TMEM39B: variants seen among roughly 807,000 people sequenced by gnomAD.
The protein encoded by TMEM39B is transmembrane protein 39B.
Under a neutral mutation model 52.2 loss-of-function variants are expected in TMEM39B, and 23 were observed. The ratio of observed to expected loss-of-function variants is 0.44; its 90% confidence interval spans 0.32 to 0.62. The LOEUF is 0.62. Ranked by LOEUF, TMEM39B falls within the 20% of genes least tolerant of loss-of-function variation. The probability of loss-of-function intolerance (pLI) is 0.06; values close to 1 mark genes in which losing one functional copy is unlikely to be tolerated. For synonymous variants in TMEM39B, 285 were observed against 264.0 expected (o/e 1.08, Z -0.77); for missense variants, 547 against 642.0 (o/e 0.85, Z 1.60).
chr1:32,084,601 G>A (rs775013857), intron 5 of TMEM39B, among the ~76,000 whole-genome samples: 6 of 151,744 alleles, frequency 4.0e-5, no homozygotes, highest in Non-Finnish European at 7.4e-5. Flanking sequence ...ACAGAGTCTC[G>A]CTCTGTCGCC....
At position 32,080,972 on chromosome 1, in the gene TMEM39B, G is replaced by A. The variant is rs949738498; in HGVS notation, c.590+3654G>A. On this transcript the variant is annotated intron_variant, in intron 5 of 8. Transcript: ENST00000336294. ...TTTAGCTGGTGGATTTGAGGCCGAA[G>A]TGAGCCATGATCACACCAGTGCACT... Among the ~76,000 whole-genome samples the A allele has an allele frequency of 2.6e-5, 4 of 151,970 alleles. No homozygotes were observed. In the East Asian group the frequency reaches 5.8e-4, roughly 22 times the overall value.
intron 5 of TMEM39B, among the ~76,000 whole-genome samples, chr1:32,085,291 ATC>A (rs138050718): frequency 1.9e-4 from 29 of 149,708 alleles, no homozygotes; most frequent in Non-Finnish European, 2.2e-4. Context: ...CTAATATTTA[ATC>A]TCTCTCTCTC....
At chr1:32,085,499 T>C (rs1203210513) in intron 5 of TMEM39B, among the ~76,000 whole-genome samples, 1 of 152,188 alleles carries the variant, frequency 6.6e-6, no homozygotes, top group Non-Finnish European at 1.5e-5. Flanking sequence ...ACGCCAGTAA[T>C]CCCTGCACTT....
chr1:32,092,257 A>T (rs796527119), intron 6 of TMEM39B, among the ~76,000 whole-genome samples: 1 of 152,090 alleles, frequency 6.6e-6, no homozygotes, highest in East Asian at 1.9e-4. Flanking sequence ...CCTGGTCTCA[A>T]GTGATCCTCC....
intron 5 of TMEM39B, among the ~76,000 whole-genome samples, 200 bp from the exon 6 acceptor site, chr1:32,091,475 G>C (rs1346814305): frequency 1.8e-4 from 27 of 152,198 alleles, no homozygotes; most frequent in Admixed American, 1.8e-3. Flanking sequence ...CTAGTGCTTG[G>C]CACGTACCGA....
chr1:32,084,710 C>T (rs1016720974), intron 5 of TMEM39B, among the ~76,000 whole-genome samples: 4 of 152,104 alleles, frequency 2.6e-5, no homozygotes, highest in Admixed American at 6.5e-5. Context: ...GCTGGGATTA[C>T]AGGCACGCCA....
chr1:32,078,891 T>C (rs1269031381), intron 5 of TMEM39B, among the ~76,000 whole-genome samples: 1 of 151,892 alleles, frequency 6.6e-6, no homozygotes, highest in Non-Finnish European at 1.5e-5. Context: ...TCTGCCCACC[T>C]TGTCCTCCCA....
At chr1:32,093,911 C>T (rs564694492) in intron 6 of TMEM39B, among the ~76,000 whole-genome samples, 14 of 151,616 alleles carry the variant, frequency 9.2e-5, no homozygotes, top group East Asian at 1.9e-4. Flanking sequence ...CTCCGCCTCC[C>T]GGGTTCACGC....
At position 32,081,620 on chromosome 1, in the gene TMEM39B, C is replaced by T. The variant is rs537934938; in HGVS notation, c.590+4302C>T. 2.7e-3 allele frequency among the ~76,000 whole-genome samples: 404 copies of T among 151,694 alleles called. 6 individuals carry two copies. Among genetic ancestry groups the T allele is most frequent in the Non-Finnish European group, 3.7e-3 (253 of 67,910 alleles). ...AAAATTAGCCAGGTGTGGTGGTGCA[C>T]GCCTGTAGTCCCAGCTACTTGGGAG... On this transcript the variant is annotated intron_variant, in intron 5 of 8. Transcript: ENST00000336294.
At position 32,082,806 on chromosome 1, in the gene TMEM39B, G is replaced by T. The variant is rs186336164; in HGVS notation, c.590+5488G>T. ...TTGTTTTTTTTTGAGACGGAGTCTC[G>T]CTCTGTCGCCCAGGCTGTAGTGCAG... On this transcript the variant is annotated intron_variant, in intron 5 of 8. Coordinates refer to ENST00000336294, the MANE Select transcript of TMEM39B (RefSeq NM_018056.4). 3.2e-3 allele frequency among the ~76,000 whole-genome samples: 458 copies of T among 145,338 alleles called. 3 individuals are homozygous for T. Among genetic ancestry groups the T allele is most frequent in the African/African-American group, 0.011 (434 of 39,198 alleles).
intron 1 of TMEM39B, 86 bp downstream of exon 1, chr1:32,073,137 A>C: frequency 1.5e-6 from 2 of 1,354,526 alleles, no homozygotes; most frequent in Non-Finnish European, 1.9e-6. Flanking sequence ...CTCCACGCGG[A>C]CAGGAGCCCG....
chr1:32,096,026 G>C (rs1258796802), intron 7 of TMEM39B, among the ~76,000 whole-genome samples: 1 of 152,180 alleles, frequency 6.6e-6, no homozygotes. Context: ...CTTCCCAGAT[G>C]ATGAGCTGGG....
chr1:32,073,440 G>A, intron 1 of TMEM39B: 1 of 665,350 alleles, frequency 1.5e-6, no homozygotes, highest in Non-Finnish European at 2.0e-6. Context: ...CGGTGGAGCG[G>A]GGAGACTTCC....
At chr1:32,094,182 A>G (rs955859475) in intron 6 of TMEM39B, among the ~76,000 whole-genome samples, 2 of 114,478 alleles carry the variant, frequency 1.7e-5, no homozygotes, top group African/African-American at 6.8e-5. Context: ...GCTGGAGTGC[A>G]GTGTTGTGAT....
Position 32,074,893 on chromosome 1 carries a change from T to A in TMEM39B, c.5-58T>A, listed in dbSNP as rs1639786297. On this transcript the variant is annotated intron_variant, in intron 1 of 8. Transcript: ENST00000336294. ...GGTGACTGGCAGCTGGTATCATTGC[T>A]GTTATCCTTGATATATGCCCCCTGG... 2.0e-6 allele frequency: 3 copies of A among 1,508,054 alleles called. No individual in the cohort carries two copies. In the South Asian group the frequency reaches 3.8e-5, roughly 19 times the overall value. 93.4% of individuals were successfully genotyped at this position (1,508,054 alleles called of 1,614,324 possible). A position where few individuals can be genotyped will look rare whatever the true frequency, so the allele number is the denominator to read the frequency against.
chr1:32,086,776 AAAAG>A (rs1256933697), intron 5 of TMEM39B, among the ~76,000 whole-genome samples: 4 of 151,954 alleles, frequency 2.6e-5, no homozygotes, highest in East Asian at 3.9e-4. Flanking sequence ...CAAAAAAAAA[AAAAG>A]AGAGAGAAAC....
chr1:32,091,703 C>G lies in TMEM39B; in HGVS notation c.619C>G (p.Leu207Val). The change falls in exon 6 of 9, where the codon CTG becomes GTG. Residue 207 changes from leucine (L) to valine (V), a missense_variant. By Grantham distance (32) the Leu-to-Val change is conservative (BLOSUM62 1). Transcript: ENST00000336294. ...TGGGATGTACATTCCGTTCCTGCAG[C>G]TGAATTGCGACCTCCGCAAGACAAG... The part of the protein sequence containing the change: ...PFGMYIPFLQ[L>V]NCDLRKTSLF... The G allele has an allele frequency of 6.2e-7, 1 of 1,609,990 alleles. No individual in the cohort carries two copies. The highest frequency in any genetic ancestry group is 8.5e-7 in the Non-Finnish European group (1 of 1,177,280).
At chr1:32,101,378 T>A (rs969447267) in intron 8 of TMEM39B, among the ~76,000 whole-genome samples, 3 of 152,066 alleles carry the variant, frequency 2.0e-5, no homozygotes, top group Non-Finnish European at 2.9e-5. Context: ...TGCTCAAAAT[T>A]ATCTAAACTA....
chr1:32,080,325 A>G (rs1451264158), intron 5 of TMEM39B, among the ~76,000 whole-genome samples: 1 of 152,112 alleles, frequency 6.6e-6, no homozygotes, highest in Non-Finnish European at 1.5e-5. Context: ...TAGATTTTTC[A>G]TAGTTATTAA....
Sources: allele counts gnomAD v4.1 joint callset (sites outside exome capture counted in the v4.1 genomes callset), GRCh38; gene constraint gnomAD v4.1.1; transcripts MANE v1.5; gene names NCBI Gene and HGNC (gene_info 2026-07-23, HGNC 2026-07-21).